The following DEDD2 variants were observed in gnomAD, a reference collection of about 807,000 sequenced individuals.
The protein encoded by DEDD2 is DNA-binding death effector domain-containing protein 2.
A neutral mutation model predicts 28.9 loss-of-function variants in DEDD2; 18 were observed. The observed-to-expected ratio is 0.62, with a 90% CI of 0.43 to 0.92. DEDD2 has a LOEUF of 0.92. Ranked by LOEUF, DEDD2 falls within the 40% of genes least tolerant of loss-of-function variation. The pLI, the probability that DEDD2 is intolerant of heterozygous loss-of-function variation, is 0.00. For synonymous variants in DEDD2, 211 were observed against 206.1 expected (o/e 1.02, Z -0.20); for missense variants, 411 against 463.3 (o/e 0.89, Z 1.04).
intron 3 of DEDD2, among the ~76,000 whole-genome samples, chr19:42,212,348 A>G (rs1050351473): frequency 3.9e-5 from 6 of 151,930 alleles, no homozygotes; most frequent in African/African-American, 1.4e-4. Flanking sequence ...CCTGGGTGAC[A>G]GAGTGAGACT....
chr19:42,216,747 C>A lies in DEDD2; in HGVS notation c.261G>T (p.Gly87=), dbSNP rs943889303. ...QCDESNLRLL[G]QLLRVLARHD... ...GGCGGGCCAGCACGCGCAGGAGTTGCCCCAGCAGCCGCAGGTTGCTCTCGT... is the reference window on the plus strand; with the variant it reads ...GGCGGGCCAGCACGCGCAGGAGTTGACCCAGCAGCCGCAGGTTGCTCTCGT... The change falls in exon 2 of 5, where the codon GGG becomes GGT. Residue 87 remains glycine, a synonymous_variant. Coordinates refer to ENST00000596251, the MANE Select transcript of DEDD2 (RefSeq NM_133328.4). 3 of 1,593,330 alleles carry A rather than the reference C, an allele frequency of 1.9e-6. No individual in the cohort carries two copies. The highest frequency in any genetic ancestry group is 1.3e-5 in the African/African-American group (1 of 74,546).
In DEDD2 at chr19:42,215,246, G is replaced by A; in HGVS notation, c.335C>T (p.Pro112Leu). 6.2e-7 allele frequency: 1 copy of A among 1,614,028 alleles called. No individual in the cohort carries two copies. Among genetic ancestry groups the A allele is most frequent in the East Asian group, 2.2e-5 (1 of 44,876 alleles). The change falls in exon 3 of 5, where the codon CCA becomes CTA. Residue 112 changes from proline (P) to leucine (L), a missense_variant. Around this residue, in one of 2 missense-constraint regions of DEDD2, gnomAD observed 282 missense variants for 273.4 expected, o/e 1.03. Transcript: ENST00000596251. The part of the protein sequence containing the change: ...LARKRRRPVS[P>L]ERYSYGTSSS... ...GGAGGTGCCATAGCTATAGCGTTCT[G>A]GAGACACTGGAGGAAGAGAAGAACA... is the stretch of plus-strand genomic sequence containing the variant.
Position 42,199,286 on chromosome 19 carries a change from G to A in DEDD2, c.*152C>T. ...GTTTAGGCCTCAGAGCCCACATCCT[G>A]TGGGAGGGGCTGTCAAGGGGCCTGC... On this transcript the variant is annotated 3_prime_UTR_variant, in exon 5 of 5. Transcript: ENST00000596251. This position sits in a 1 kb window ranked among gnomAD's most constrained non-coding sequence, Gnocchi z 7.4. The A allele has an allele frequency of 8.5e-7, 1 of 1,172,290 alleles. No individual in the cohort carries two copies. The allele number at this position is 1,172,290 out of a possible 1,614,324, so 72.6% of individuals were successfully genotyped here.
At chr19:42,202,773 A>C (rs2035382206) in intron 4 of DEDD2, among the ~76,000 whole-genome samples, 1 of 152,152 alleles carries the variant, frequency 6.6e-6, no homozygotes, top group African/African-American at 2.4e-5. Context: ...AGATGAGCAA[A>C]TCCTTCAGCA....
rs2035686891 is a variant in DEDD2 at position 42,209,881 on chromosome 19, CAGCT to C, written c.449-45_449-42del. On this transcript the variant is annotated intron_variant, in intron 3 of 4. Coordinates refer to ENST00000596251, the MANE Select transcript of DEDD2 (RefSeq NM_133328.4). Reference sequence around the variant, plus strand: ...TGGGGCAAGTTGAGGACCAGGATGACAGCTAGAGTGCCCAGGTGTATGCCTGGAA... The same window carrying C: ...TGGGGCAAGTTGAGGACCAGGATGACAGAGTGCCCAGGTGTATGCCTGGAA... The C allele has an allele frequency of 2.0e-6, 3 of 1,489,170 alleles. No homozygotes were observed. The African/African-American group carries it at 4.4e-5, about 22-fold the overall frequency. 92.2% of individuals were successfully genotyped at this position (1,489,170 alleles called of 1,614,324 possible).
chr19:42,215,958 T>C (rs2035950823), intron 2 of DEDD2, among the ~76,000 whole-genome samples: 1 of 152,150 alleles, frequency 6.6e-6, no homozygotes, highest in Non-Finnish European at 1.5e-5. Context: ...CTTCATGACA[T>C]AACTTCTTAC....
At chr19:42,213,937 G>A (rs929866624) in intron 3 of DEDD2, among the ~76,000 whole-genome samples, 5 of 152,150 alleles carry the variant, frequency 3.3e-5, no homozygotes, top group African/African-American at 1.2e-4. Flanking sequence ...AGGTATAATA[G>A]TCTTAAAGTG....
upstream of DEDD2, among the ~76,000 whole-genome samples, chr19:42,219,895 G>A (rs1413144914): frequency 3.3e-5 from 5 of 152,220 alleles, no homozygotes; most frequent in Admixed American, 1.3e-4. Flanking sequence ...AATCTTTGAG[G>A]TGGCTGTGAC....
At chr19:42,212,340 T>C (rs1412067748) in intron 3 of DEDD2, among the ~76,000 whole-genome samples, 1 of 151,418 alleles carries the variant, frequency 6.6e-6, no homozygotes, top group Non-Finnish European at 1.5e-5. Context: ...TACTCCAGCC[T>C]GGGTGACAGA....
intron 4 of DEDD2, among the ~76,000 whole-genome samples, chr19:42,207,466 C>T (rs998569069): frequency 3.3e-5 from 5 of 152,174 alleles, no homozygotes; most frequent in African/African-American, 1.2e-4. Context: ...GCCTCCTCCC[C>T]TGAACCCTTC....
At chr19:42,208,128 T>A (rs2035606009) in intron 4 of DEDD2, among the ~76,000 whole-genome samples, 1 of 152,156 alleles carries the variant, frequency 6.6e-6, no homozygotes, top group Non-Finnish European at 1.5e-5. Context: ...CCATATCTGA[T>A]CCCTTCTGTG....
At chr19:42,210,271 C>T (rs1305165389) in intron 3 of DEDD2, among the ~76,000 whole-genome samples, 1 of 152,022 alleles carries the variant, frequency 6.6e-6, no homozygotes, top group Non-Finnish European at 1.5e-5. Context: ...CTGTACTTTG[C>T]ATAAGGAGGG....
At chr19:42,211,485 GGATT>G (rs765539247) in intron 3 of DEDD2, among the ~76,000 whole-genome samples, 1 of 150,900 alleles carries the variant, frequency 6.6e-6, no homozygotes, top group Non-Finnish European at 1.5e-5. Flanking sequence ...GGGAGGGAGG[GGATT>G]GTATACATAA....
At position 42,199,953 on chromosome 19, in the gene DEDD2, GAC is replaced by G. The variant is rs1458841441; in HGVS notation, c.590-126_590-125del. On this transcript the variant is annotated intron_variant, in intron 4 of 4. Coordinates refer to ENST00000596251, the MANE Select transcript of DEDD2 (RefSeq NM_133328.4). The surrounding 1 kb of genome is among the most constrained non-coding windows in gnomAD (Gnocchi z 7.4). ...CTTCCGGTAGCCACACCCTAGTCCT[GAC>G]ACAGCCTCCCCGGCTCTGTGGGGTT... The G allele has an allele frequency of 1.4e-6, 2 of 1,391,208 alleles. No individual in the cohort carries two copies. Among genetic ancestry groups the G allele is most frequent in the Non-Finnish European group, 9.6e-7 (1 of 1,046,860 alleles). The allele number at this position is 1,391,208 out of a possible 1,614,324, so 86.2% of individuals were successfully genotyped here. A position where few individuals can be genotyped will look rare whatever the true frequency, so the allele number is the denominator to read the frequency against.
At chr19:42,200,180 G>C (rs2035275513) in intron 4 of DEDD2, among the ~76,000 whole-genome samples, 1 of 152,058 alleles carries the variant, frequency 6.6e-6, no homozygotes, top group Non-Finnish European at 1.5e-5. Context: ...CACCCACCCA[G>C]CCCTCTCTGC....
chr19:42,202,173 A>G, intron 4 of DEDD2: 2 of 398,312 alleles, frequency 5.0e-6, no homozygotes, highest in Non-Finnish European at 4.4e-6. Flanking sequence ...ACGACAAAGA[A>G]GGCTCCCAGA....
chr19:42,204,759 G>A (rs1016762040), intron 4 of DEDD2, among the ~76,000 whole-genome samples: 10 of 75,968 alleles, frequency 1.3e-4, no homozygotes, highest in African/African-American at 4.5e-4. Context: ...CCCCACCCCC[G>A]CCCCGCCCCC....
chr19:42,202,083 A>T (rs2035354093), intron 4 of DEDD2: 1 of 398,630 alleles, frequency 2.5e-6, no homozygotes, highest in Non-Finnish European at 4.4e-6. Flanking sequence ...CTGAAACACA[A>T]ACAAACAAGA....
intron 3 of DEDD2, among the ~76,000 whole-genome samples, chr19:42,214,236 T>G (rs1211272189): frequency 6.6e-6 from 1 of 152,136 alleles, no homozygotes; most frequent in Non-Finnish European, 1.5e-5. Flanking sequence ...TGGGCAGATC[T>G]CTTGAGGCCA....
Sources: allele counts gnomAD v4.1 joint callset (sites outside exome capture counted in the v4.1 genomes callset), GRCh38; gene constraint gnomAD v4.1.1; regional missense constraint gnomAD v4.1.1; non-coding constraint Gnocchi (gnomAD v3.1); transcripts MANE v1.5; gene names NCBI Gene and HGNC (gene_info 2026-07-23, HGNC 2026-07-21).